Variants in EPHB3 observed in about 807,000 individuals in gnomAD.
The protein encoded by EPHB3 is EPH receptor B3.
In EPHB3, 33 loss-of-function variants were observed where a neutral mutation model predicts 100.2. The ratio of observed to expected loss-of-function variants is 0.33; its 90% CI spans 0.25 to 0.44. EPHB3 has a LOEUF of 0.44. Ranked by LOEUF, EPHB3 falls within the 20% of genes least tolerant of loss-of-function variation. EPHB3 has a pLI of 1.00. For synonymous variants in EPHB3, 526 were observed against 554.7 expected, an observed-to-expected ratio of 0.95 and a Z score of 0.73; for missense variants, 1,045 against 1,378.3, an observed-to-expected ratio of 0.76 and a Z score of 3.83.
In EPHB3 at chr3:184,577,524, C is replaced by T. The variant is rs1454342134; in HGVS notation, c.1479+57C>T. 3 of 1,606,318 alleles carry T rather than the reference C, an allele frequency of 1.9e-6. No homozygotes were observed. The highest frequency in any genetic ancestry group is 2.6e-6 in the Non-Finnish European group (3 of 1,175,778). The stretch of plus-strand genomic sequence containing the variant: ...GGGCTGAGCTGGGCTGAGAAAATTA[C>T]CCCCGGATCATGATGGGGCCCTTGG... On this transcript the variant is annotated intron_variant, in intron 6 of 15. Coordinates refer to ENST00000330394, the MANE Select transcript of EPHB3 (RefSeq NM_004443.4). The surrounding 1 kb of genome is among the most constrained non-coding windows in gnomAD (Gnocchi z 4.9).
At position 184,581,122 on chromosome 3, in the gene EPHB3, C is replaced by T. The variant is rs762809259; in HGVS notation, c.2689C>T (p.Arg897Cys). ...QIVNTLDKLI[R>C]NAASLKVIAS... Reference sequence around the variant, plus strand: ...TGTCAATACCCTGGACAAGCTCATCCGCAATGCTGCCAGCCTCAAGGTCAT... The same window carrying T: ...TGTCAATACCCTGGACAAGCTCATCTGCAATGCTGCCAGCCTCAAGGTCAT... The change falls in exon 14 of 16, where the codon CGC becomes TGC. Residue 897 changes from arginine (R) to cysteine (C), a missense_variant. This residue lies in a region of EPHB3 where 985 missense variants were observed against 1,331.1 expected (regional missense o/e 0.74). Transcript: ENST00000330394. The T allele has an allele frequency of 3.1e-6, 5 of 1,614,108 alleles. No individual in the cohort carries two copies. Among genetic ancestry groups the T allele is most frequent in the African/African-American group, 2.7e-5 (2 of 74,950 alleles).
rs200327186 is a variant in EPHB3 at position 184,571,388 on chromosome 3, G to C, written c.183+6G>C. ...CATCTCATCCAGAAAGTGGGGTGAG[G>C]CTTTCCCATCATTCTCCTGAGTGTT... On this transcript the variant is annotated splice_donor_region_variant and intron_variant, in intron 2 of 15. Coordinates refer to ENST00000330394, the MANE Select transcript of EPHB3 (RefSeq NM_004443.4). This position sits in a 1 kb window ranked among gnomAD's most constrained non-coding sequence, Gnocchi z 5.0. 9 of 1,613,834 alleles carry C rather than the reference G, an allele frequency of 5.6e-6. No individual in the cohort carries two copies. In the African/African-American group the frequency reaches 1.1e-4, roughly 19 times the overall value.
In EPHB3 at chr3:184,579,872, AG is replaced by A; in HGVS notation, c.2111del (p.Ser704IlefsTer5). ...IIRLEGVVTK[S>X]RPVMILTEFM... ...CCGGCTCGAGGGCGTGGTCACCAAA[AG>A]TCGGCCAGTTATGATCCTCACTGAG... On this transcript the variant is annotated frameshift_variant, in exon 11 of 16. Coordinates refer to ENST00000330394, the MANE Select transcript of EPHB3 (RefSeq NM_004443.4). LOFTEE classifies it high-confidence loss of function. This position sits in a 1 kb window ranked among gnomAD's most constrained non-coding sequence, Gnocchi z 5.2. 6.2e-7 allele frequency: 1 copy of A among 1,613,900 alleles called. No individual in the cohort carries two copies. Among genetic ancestry groups the A allele is most frequent in the Non-Finnish European group, 8.5e-7 (1 of 1,179,998 alleles).
chr3:184,580,323 C>T, intron 11 of EPHB3, 79 bp from the exon 12 acceptor site: 5 of 1,574,426 alleles, frequency 3.2e-6, no homozygotes, highest in Non-Finnish European at 4.4e-6. Flanking sequence ...AGTCTGAGTA[C>T]TCGGAGAGGG....
Position 184,578,430 on chromosome 3 carries a change from T to G in EPHB3, c.1765T>G (p.Ser589Ala). Residue 589 changes from serine to alanine, a missense_variant, in exon 9 of 16, where the codon TCT becomes GCT. Around this residue, in one of 2 missense-constraint regions of EPHB3, gnomAD observed 985 missense variants for 1,331.1 expected, o/e 0.74. Coordinates refer to ENST00000330394, the MANE Select transcript of EPHB3 (RefSeq NM_004443.4). This position sits in a 1 kb window ranked among gnomAD's most constrained non-coding sequence, Gnocchi z 4.7. ...ACCCTACAGGAAGCAGCGACACGGC[T>G]CTGATTCGGAGTACACGGAGAAGCT... ...IVCLRKQRHG[S>A]DSEYTEKLQQ... 6.2e-7 allele frequency: 1 copy of G among 1,613,990 alleles called. No individual in the cohort carries two copies. Among genetic ancestry groups the G allele is most frequent in the East Asian group, 2.2e-5 (1 of 44,866 alleles).
chr3:184,580,777 C>A lies in EPHB3; in HGVS notation c.2437C>A (p.Arg813=), dbSNP rs374567246. The A allele has an allele frequency of 1.5e-5, 25 of 1,614,054 alleles. No individual in the cohort carries two copies. Among genetic ancestry groups the A allele is most frequent in the Non-Finnish European group, 2.0e-5 (24 of 1,180,034 alleles). The stretch of plus-strand genomic sequence containing the variant: ...GACTGCCCCAGAGGCCATAGCCTAT[C>A]GGAAGTTCACTTCTGCTAGTGATGT... ...RWTAPEAIAY[R]KFTSASDVWS... is the part of the protein sequence containing the mutation. Residue 813 remains arginine (R), a synonymous_variant, in exon 13 of 16, where the codon CGG becomes AGG. Coordinates refer to ENST00000330394, the MANE Select transcript of EPHB3 (RefSeq NM_004443.4).
At position 184,577,249 on chromosome 3, in the gene EPHB3, T is replaced by C; in HGVS notation, c.1354+66T>C. 1.3e-6 allele frequency: 2 copies of C among 1,577,334 alleles called. No individual in the cohort carries two copies. Among genetic ancestry groups the C allele is most frequent in the Non-Finnish European group, 1.7e-6 (2 of 1,160,300 alleles). On this transcript the variant is annotated intron_variant, in intron 5 of 15. Coordinates refer to ENST00000330394, the MANE Select transcript of EPHB3 (RefSeq NM_004443.4). This position sits in a 1 kb window ranked among gnomAD's most constrained non-coding sequence, Gnocchi z 4.9. ...CTCCTGGATGAGGTGTCCCAGGACC[T>C]GCTAAGGGACCACTGGGGGTCCCAT...
At chr3:184,574,217 G>A (rs1386796590) in intron 3 of EPHB3, among the ~76,000 whole-genome samples, 1 of 152,168 alleles carries the variant, frequency 6.6e-6, no homozygotes, top group Admixed American at 6.5e-5. Flanking sequence ...CACGAGAGCT[G>A]GGCTGTTCTG....
chr3:184,578,543 GGACTTCAT>G lies in EPHB3; in HGVS notation c.1801+78_1801+85del. ...TCTCAGACACCCTTCTCCCTGCCTGGGACTTCATTCCTTAGAGATAAACCCTGAATGCC... is the reference window on the plus strand; with the variant it reads ...TCTCAGACACCCTTCTCCCTGCCTGGTCCTTAGAGATAAACCCTGAATGCC... On this transcript the variant is annotated intron_variant, in intron 9 of 15. Transcript: ENST00000330394. This position sits in a 1 kb window ranked among gnomAD's most constrained non-coding sequence, Gnocchi z 4.7. The G allele has an allele frequency of 6.3e-7, 1 of 1,589,044 alleles. No individual in the cohort carries two copies. Among genetic ancestry groups the G allele is most frequent in the Non-Finnish European group, 8.6e-7 (1 of 1,160,330 alleles).
At chr3:184,570,179 C>T (rs978531711) in intron 1 of EPHB3, among the ~76,000 whole-genome samples, 2 of 152,192 alleles carry the variant, frequency 1.3e-5, no homozygotes, top group Admixed American at 6.5e-5. Flanking sequence ...GGGCATCTTA[C>T]CCTGACTTGG....
intron 1 of EPHB3, among the ~76,000 whole-genome samples, chr3:184,566,561 C>T (rs1031324692): frequency 6.6e-6 from 1 of 152,310 alleles, no homozygotes; most frequent in Admixed American, 6.5e-5. Context: ...CCTGTGTGTA[C>T]AGGCTGGCAC....
Position 184,578,370 on chromosome 3 carries a change from A to C in EPHB3, c.1749-44A>C. ...AAGGGTGCCCTGAACAAAGGGAGGC[A>C]GATGACTTGTCTCAGGCCTGCCCTC... On this transcript the variant is annotated intron_variant, in intron 8 of 15. Coordinates refer to ENST00000330394, the MANE Select transcript of EPHB3 (RefSeq NM_004443.4). The surrounding 1 kb of genome is among the most constrained non-coding windows in gnomAD (Gnocchi z 4.7). The C allele has an allele frequency of 6.2e-7, 1 of 1,613,490 alleles. No homozygotes were observed.
rs1053177024 is a variant in EPHB3 at position 184,572,322 on chromosome 3, G to A, written c.184-182G>A. Among the ~76,000 whole-genome samples the A allele has an allele frequency of 6.6e-6, 1 of 152,196 alleles. No individual in the cohort carries two copies. The highest frequency in any genetic ancestry group is 2.4e-5 in the African/African-American group (1 of 41,440). On this transcript the variant is annotated intron_variant, in intron 2 of 15. Transcript: ENST00000330394. The surrounding 1 kb of genome is among the most constrained non-coding windows in gnomAD (Gnocchi z 6.6). ...GGAAACTGAGGCACATGGCGGTTAA[G>A]TGACTTACCCATAATCACACAGCAG...
intron 3 of EPHB3, among the ~76,000 whole-genome samples, chr3:184,574,692 A>C (rs964689628): frequency 6.6e-6 from 1 of 152,138 alleles, no homozygotes; most frequent in Non-Finnish European, 1.5e-5. Context: ...CCACTTCTCG[A>C]TGGGAATCTG....
rs1714786863 is a variant in EPHB3 at position 184,580,281 on chromosome 3, C to T, written c.2173-121C>T. The T allele has an allele frequency of 2.3e-6, 3 of 1,304,380 alleles. No homozygotes were observed. The Admixed American group carries it at 5.6e-5, about 24-fold the overall frequency. 80.8% of individuals were successfully genotyped at this position (1,304,380 alleles called of 1,614,324 possible). A position where few individuals can be genotyped will look rare whatever the true frequency, so the allele number is the denominator to read the frequency against. The stretch of plus-strand genomic sequence containing the variant: ...GGGCAGCTCACTTACCCTCAGGGCA[C>T]TCTGGACATGGTTGCAGGAGAGACG... On this transcript the variant is annotated intron_variant, in intron 11 of 15. Coordinates refer to ENST00000330394, the MANE Select transcript of EPHB3 (RefSeq NM_004443.4).
At position 184,571,264 on chromosome 3, in the gene EPHB3, C is replaced by T; in HGVS notation, c.119-54C>T. 6.3e-7 allele frequency: 1 copy of T among 1,593,918 alleles called. No homozygotes were observed. The highest frequency in any genetic ancestry group is 2.2e-5 in the East Asian group (1 of 44,738). ...CCACTTCGCTCATCTGTGATCTCTTCTGTCTCCTCAACCTGAGATTAGTCC... is the reference window on the plus strand; with the variant it reads ...CCACTTCGCTCATCTGTGATCTCTTTTGTCTCCTCAACCTGAGATTAGTCC... On this transcript the variant is annotated intron_variant, in intron 1 of 15. Transcript: ENST00000330394. The surrounding 1 kb of genome is among the most constrained non-coding windows in gnomAD (Gnocchi z 5.0).
In EPHB3 at chr3:184,565,824, C is replaced by T. The variant is rs546597605; in HGVS notation, c.118+3471C>T. Among the ~76,000 whole-genome samples the T allele has an allele frequency of 6.6e-6, 1 of 152,352 alleles. No homozygotes were observed. Among genetic ancestry groups the T allele is most frequent in the Admixed American group, 6.5e-5 (1 of 15,304 alleles). On this transcript the variant is annotated intron_variant, in intron 1 of 15. Transcript: ENST00000330394. This position sits in a 1 kb window ranked among gnomAD's most constrained non-coding sequence, Gnocchi z 4.8. ...AGCACTGCCCTGTCTTTAGCCACAG[C>T]TGCTGCTGCTGCCACTGCAGCTTCA...
At position 184,578,355 on chromosome 3, in the gene EPHB3, T is replaced by C; in HGVS notation, c.1749-59T>C. 2 of 1,612,080 alleles carry C rather than the reference T, an allele frequency of 1.2e-6. No homozygotes were observed. Among genetic ancestry groups the C allele is most frequent in the Non-Finnish European group, 1.7e-6 (2 of 1,178,952 alleles). ...CCCTTCTGTGAGCCCAAGGGTGCCC[T>C]GAACAAAGGGAGGCAGATGACTTGT... On this transcript the variant is annotated intron_variant, in intron 8 of 15. Coordinates refer to ENST00000330394, the MANE Select transcript of EPHB3 (RefSeq NM_004443.4). This position sits in a 1 kb window ranked among gnomAD's most constrained non-coding sequence, Gnocchi z 4.7.
chr3:184,572,408 G>A lies in EPHB3; in HGVS notation c.184-96G>A. 1 of 1,376,922 alleles carries A rather than the reference G, an allele frequency of 7.3e-7. No individual in the cohort carries two copies. Among genetic ancestry groups the A allele is most frequent in the Non-Finnish European group, 9.6e-7 (1 of 1,039,964 alleles). 85.3% of individuals were successfully genotyped at this position (1,376,922 alleles called of 1,614,324 possible). On this transcript the variant is annotated intron_variant, in intron 2 of 15. Coordinates refer to ENST00000330394, the MANE Select transcript of EPHB3 (RefSeq NM_004443.4). This position sits in a 1 kb window ranked among gnomAD's most constrained non-coding sequence, Gnocchi z 6.6. ...TGCTCAGCCACTGCACACCATAGAAGCATCCCTGTGAAGTAAATAGAGCAG... is the reference window on the plus strand; with the variant it reads ...TGCTCAGCCACTGCACACCATAGAAACATCCCTGTGAAGTAAATAGAGCAG...
Sources: gnomAD v4.1 joint callset for allele counts (sites outside exome capture counted in the v4.1 genomes callset) on GRCh38, gnomAD v4.1.1 for gene constraint, gnomAD v4.1.1 regional missense constraint, Gnocchi (gnomAD v3.1) non-coding constraint, MANE v1.5 for transcripts, NCBI Gene and HGNC (gene_info 2026-07-23, HGNC 2026-07-21) for gene names.